NAALADL2: variants seen among roughly 807,000 people sequenced by gnomAD.
NAALADL2 encodes the protein inactive N-acetylated-alpha-linked acidic dipeptidase-like protein 2.
Under a neutral mutation model 87.2 loss-of-function variants are expected in NAALADL2, and 76 were observed. The ratio of observed to expected loss-of-function variants is 0.87; its 90% CI spans 0.72 to 1.05. The LOEUF (loss-of-function observed/expected upper bound fraction) is 1.05. Ranked by LOEUF, NAALADL2 falls within the 50% of genes least tolerant of loss-of-function variation. NAALADL2 has a pLI of 0.00. For missense variants in NAALADL2, 1,089 were observed against 945.8 expected (o/e 1.15, Z -1.99); for synonymous variants, 354 against 331.0 (o/e 1.07, Z -0.75).
chr3:175,115,229 T>C (rs950208302), intron 2 of NAALADL2: 3 of 151,620 alleles, frequency 2.0e-5, no homozygotes, highest in African/African-American at 7.3e-5. Context: ...AGAGCTTGCC[T>C]TGTCTGTCAT....
intron 1 of NAALADL2, among the ~76,000 whole-genome samples, chr3:174,485,181 T>C (rs1454884288): frequency 6.6e-6 from 1 of 151,924 alleles, no homozygotes; most frequent in Non-Finnish European, 1.5e-5. Context: ...AACCTAAAAA[T>C]GAAGTATAGC....
chr3:174,610,220 A>C (rs1021343467), intron 2 of NAALADL2, among the ~76,000 whole-genome samples: 7 of 151,588 alleles, frequency 4.6e-5, no homozygotes, highest in Non-Finnish European at 1.0e-4. Context: ...CCCTAGAAGA[A>C]AACCTAGGCA....
At chr3:174,756,247 T>G (rs903536158) in intron 3 of NAALADL2, among the ~76,000 whole-genome samples, 6 of 152,230 alleles carry the variant, frequency 3.9e-5, no homozygotes, top group Admixed American at 2.0e-4. Flanking sequence ...GTTTTCTTCT[T>G]CAGTTTGAAT....
At chr3:175,786,997 G>A (rs947331232) in intron 13 of NAALADL2, among the ~76,000 whole-genome samples, 1 of 151,602 alleles carries the variant, frequency 6.6e-6, no homozygotes, top group African/African-American at 2.4e-5. Flanking sequence ...TGCCCCTGCT[G>A]GGGGGTGCCT....
intron 4 of NAALADL2, among the ~76,000 whole-genome samples, chr3:175,305,495 T>A (rs996072591): frequency 2.6e-5 from 4 of 152,084 alleles, no homozygotes; most frequent in Admixed American, 2.6e-4. Flanking sequence ...GCTTTCAGGT[T>A]TATGGCACAT....
intron 2 of NAALADL2, among the ~76,000 whole-genome samples, chr3:174,607,060 C>T (rs1286676849): frequency 6.6e-6 from 1 of 152,046 alleles, no homozygotes; most frequent in Admixed American, 6.5e-5. Flanking sequence ...CATATCCAGC[C>T]AAACTAAGCT....
intron 5 of NAALADL2, among the ~76,000 whole-genome samples, chr3:175,414,106 T>C (rs186146988): frequency 1.3e-5 from 2 of 152,228 alleles, no homozygotes; most frequent in East Asian, 3.9e-4. Flanking sequence ...AAGGAGCCCA[T>C]AGAGGGGGAT....
intron 1 of NAALADL2, among the ~76,000 whole-genome samples, chr3:174,982,946 C>T (rs1745316173): frequency 6.6e-6 from 1 of 152,040 alleles, no homozygotes; most frequent in Admixed American, 6.6e-5. Flanking sequence ...TACAGGTGCC[C>T]GCCACCACGC....
intron 1 of NAALADL2, among the ~76,000 whole-genome samples, chr3:175,040,080 C>T (rs1464851760): frequency 6.6e-6 from 1 of 152,188 alleles, no homozygotes; most frequent in Non-Finnish European, 1.5e-5. Context: ...CTCTTACAAG[C>T]TCCAGTCTTG....
chr3:174,448,361 C>T (rs1276995725), intron 1 of NAALADL2, among the ~76,000 whole-genome samples: 2 of 151,894 alleles, frequency 1.3e-5, no homozygotes, highest in East Asian at 3.9e-4. Flanking sequence ...TATTTCATCA[C>T]CACAAATATC....
intron 11 of NAALADL2, among the ~76,000 whole-genome samples, chr3:175,696,504 A>C (rs978024275): frequency 2.0e-5 from 3 of 152,090 alleles, no homozygotes; most frequent in African/African-American, 4.8e-5. Flanking sequence ...ATATTAAGTG[A>C]TCAAAAGTCC....
Position 175,446,847 on chromosome 3 carries a change from C to T in NAALADL2, c.1091-382C>T, listed in dbSNP as rs1268577450. ...AAGAACTTAGGTTTTAGGTTTCCCC[C>T]TCAGGTCTTACATCACTGACACTTA... On this transcript the variant is annotated intron_variant, in intron 5 of 13. Coordinates refer to ENST00000454872, the MANE Select transcript of NAALADL2 (RefSeq NM_207015.3). Among the ~76,000 whole-genome samples the T allele has an allele frequency of 2.0e-5, 3 of 152,138 alleles. No individual in the cohort carries two copies. The East Asian group carries it at 5.8e-4, about 29-fold the overall frequency.
intron 1 of NAALADL2, among the ~76,000 whole-genome samples, chr3:175,047,025 G>T (rs902722031): frequency 2.0e-5 from 3 of 152,130 alleles, no homozygotes; most frequent in Non-Finnish European, 2.9e-5. Context: ...TCTTCTTACT[G>T]TGTCCTCAGA....
intron 3 of NAALADL2, among the ~76,000 whole-genome samples, chr3:174,846,287 T>C (rs759379764): frequency 1.3e-5 from 2 of 152,196 alleles, no homozygotes; most frequent in Non-Finnish European, 2.9e-5. Flanking sequence ...AGGTATTTTG[T>C]CATTTCCGTG....
intron 5 of NAALADL2, among the ~76,000 whole-genome samples, chr3:175,325,412 C>T (rs1190303283): frequency 6.6e-6 from 1 of 152,076 alleles, no homozygotes; most frequent in African/African-American, 2.4e-5. Context: ...TTGTACAGTC[C>T]CATGTCTTAT....
At chr3:175,107,148 C>T (rs528456415) in intron 2 of NAALADL2, among the ~76,000 whole-genome samples, 1 of 152,010 alleles carries the variant, frequency 6.6e-6, no homozygotes, top group East Asian at 1.9e-4. Flanking sequence ...TATGTAGCAA[C>T]TAGGCTAATA....
chr3:175,471,223 C>T (rs1390996995), intron 8 of NAALADL2, among the ~76,000 whole-genome samples: 2 of 151,766 alleles, frequency 1.3e-5, no homozygotes, highest in East Asian at 1.9e-4. Flanking sequence ...CGGTGGCTCA[C>T]GTCTATAATC....
At chr3:174,750,198 A>T (rs1051999794) in intron 3 of NAALADL2, among the ~76,000 whole-genome samples, 2 of 152,200 alleles carry the variant, frequency 1.3e-5, no homozygotes, top group Admixed American at 6.5e-5. Flanking sequence ...TGCTATTTAT[A>T]AAAGATAAGA....
chr3:175,662,292 T>C (rs972004297), intron 11 of NAALADL2, among the ~76,000 whole-genome samples: 2 of 151,966 alleles, frequency 1.3e-5, no homozygotes, highest in East Asian at 3.8e-4. Flanking sequence ...CTTTTTCAGA[T>C]TGATCACCAT....
Sources: allele counts gnomAD v4.1 joint callset (sites outside exome capture counted in the v4.1 genomes callset), GRCh38; gene constraint gnomAD v4.1.1; transcripts MANE v1.5; gene names NCBI Gene and HGNC (gene_info 2026-07-23, HGNC 2026-07-21).